Variants in ZNF43 observed in about 807,000 individuals in gnomAD.
ZNF43 encodes zinc finger protein 39-like 1 (KOX 27).
In ZNF43, 44 loss-of-function variants were observed where a neutral mutation model predicts 68.4. The ratio of observed to expected loss-of-function variants is 0.64; its 90% CI spans 0.51 to 0.83. The LOEUF (loss-of-function observed/expected upper bound fraction) is 0.83. Among genes scored for constraint, ZNF43 ranks in the 40% least tolerant of loss-of-function variants. ZNF43 has a pLI of 0.00. For missense variants in ZNF43, 896 were observed against 933.2 expected (o/e 0.96, Z 0.52); for synonymous variants, 308 against 307.8 (o/e 1.00, Z -0.01).
intron 1 of ZNF43, among the ~76,000 whole-genome samples, chr19:21,824,856 C>A (rs1239020846): frequency 6.6e-6 from 1 of 151,762 alleles, no homozygotes; most frequent in Non-Finnish European, 1.5e-5. Context: ...TTCAAGTTGT[C>A]TGGAATGTAA....
At chr19:21,833,312 G>C (rs1452922321) in intron 1 of ZNF43, among the ~76,000 whole-genome samples, 2 of 151,976 alleles carry the variant, frequency 1.3e-5, no homozygotes, top group Admixed American at 6.6e-5. Flanking sequence ...TTGTCGCCCA[G>C]GCTGAGTACA....
intron 1 of ZNF43, among the ~76,000 whole-genome samples, chr19:21,844,933 T>A (rs1391148030): frequency 1.5e-4 from 19 of 125,834 alleles, no homozygotes; most frequent in South Asian, 4.8e-4. Flanking sequence ...TATATATATA[T>A]ATATATATAT....
At chr19:21,836,191 C>A (rs1047985810), upstream of ZNF43, 12 of 1,519,292 alleles carry the variant, frequency 7.9e-6, no homozygotes, top group African/African-American at 1.4e-5. Context: ...ACAAAGGCCC[C>A]GCCACATCCC....
chr19:21,822,433 A>G (rs914789669), intron 1 of ZNF43, among the ~76,000 whole-genome samples: 1 of 143,488 alleles, frequency 7.0e-6, no homozygotes, highest in East Asian at 2.0e-4. Flanking sequence ...ACAGAACAAT[A>G]AGCAGGCCTG....
rs1325306496 is a variant in ZNF43 at position 21,805,916 on chromosome 19, T to C, written c.*1691A>G. ...AAGTTAGAAGCATAATAATGCTTCA[T>C]TGAATGTACAATGGTCTTAACACAT... is the stretch of plus-strand genomic sequence containing the variant. On this transcript the variant is annotated 3_prime_UTR_variant, in exon 4 of 4. Coordinates refer to ENST00000354959, the MANE Select transcript of ZNF43 (RefSeq NM_003423.4). 6.6e-6 allele frequency: 1 copy of C among 151,944 alleles called. No homozygotes were observed. The highest frequency in any genetic ancestry group is 6.5e-5 in the Admixed American group (1 of 15,274). The allele number at this position is 151,944 out of a possible 1,614,324, so 9.4% of individuals were successfully genotyped here.
At chr19:21,833,634 C>A (rs868049890) in intron 1 of ZNF43, among the ~76,000 whole-genome samples, 2 of 151,534 alleles carry the variant, frequency 1.3e-5, no homozygotes, top group Non-Finnish European at 2.9e-5. Context: ...GTACTGAAAC[C>A]CAGGATCAGA....
rs1048550680 is a variant in ZNF43 at position 21,806,535 on chromosome 19, T to A, written c.*1072A>T. 6.6e-6 allele frequency: 1 copy of A among 152,154 alleles called. No homozygotes were observed. The highest frequency in any genetic ancestry group is 1.5e-5 in the Non-Finnish European group (1 of 68,024). 9.4% of individuals were successfully genotyped at this position (152,154 alleles called of 1,614,324 possible). A position where few individuals can be genotyped will look rare whatever the true frequency, so the allele number is the denominator to read the frequency against. On this transcript the variant is annotated 3_prime_UTR_variant, in exon 4 of 4. Transcript: ENST00000354959. ...AAATAATGCCCACCTAATAAAAGAA[T>A]CTCTCATATCTTTGGTGCAGCAACA...
chr19:21,808,060 A>G lies in ZNF43; in HGVS notation c.1977T>C (p.Phe659=). The part of the protein sequence containing the change: ...PYKCEECGKA[F]KWSSTLTKHK... ...GTTTAGTAAGGGTTGAGGACCACTT[A>G]AAGGCTTTGCCACATTCTTCACATT... Residue 659 remains phenylalanine (F), a synonymous_variant, in exon 4 of 4, where the codon TTT becomes TTC. Coordinates refer to ENST00000354959, the MANE Select transcript of ZNF43 (RefSeq NM_003423.4). 1.2e-6 allele frequency: 2 copies of G among 1,612,940 alleles called. No individual in the cohort carries two copies. Among genetic ancestry groups the G allele is most frequent in the Non-Finnish European group, 1.7e-6 (2 of 1,179,890 alleles).
In ZNF43 at chr19:21,808,005, A is replaced by G. The variant is rs1342245485; in HGVS notation, c.2032T>C (p.Tyr678His). ...HKIIHTGEKP[Y>H]KCEECGKAFK... is the part of the protein sequence containing the mutation. ...GCTTTGCCACATTCTTCACATTTGT[A>G]GGGTTTCTCTCCAGTATGAATTATC... The change falls in exon 4 of 4, where the codon TAC becomes CAC. Residue 678 changes from tyrosine (Y) to histidine (H), a missense_variant. By Grantham distance (83) the Tyr-to-His change is moderately conservative (BLOSUM62 2). Transcript: ENST00000354959. 2 of 1,612,884 alleles carry G rather than the reference A, an allele frequency of 1.2e-6. No homozygotes were observed. Among genetic ancestry groups the G allele is most frequent in the Non-Finnish European group, 1.7e-6 (2 of 1,179,906 alleles).
At chr19:21,830,504 C>T (rs868549325) in intron 1 of ZNF43, among the ~76,000 whole-genome samples, 6 of 148,696 alleles carry the variant, frequency 4.0e-5, no homozygotes, top group Admixed American at 6.7e-5. Flanking sequence ...GTAAACAAAC[C>T]GGAAAATCTA....
Position 21,817,844 on chromosome 19 carries a change from A to G in ZNF43, c.229+44T>C, listed in dbSNP as rs759571078. On this transcript the variant is annotated intron_variant, in intron 3 of 3. Transcript: ENST00000354959. The stretch of plus-strand genomic sequence containing the variant: ...GACTGGCTTTCCCCTTAACCTTTGG[A>G]CTTCTCATCTGTGTTTGTTGTATTC... 5.7e-6 allele frequency: 9 copies of G among 1,566,218 alleles called. No individual in the cohort carries two copies. In the South Asian group the frequency reaches 1.0e-4, roughly 17 times the overall value.
chr19:21,848,784 C>G (rs1475641464), intron 1 of ZNF43, among the ~76,000 whole-genome samples: 1 of 152,162 alleles, frequency 6.6e-6, no homozygotes, highest in African/African-American at 2.4e-5. Context: ...TATGTTGGGT[C>G]TAAGTACGCT....
intron 1 of ZNF43, chr19:21,851,855 C>T (rs1001451689): frequency 1.9e-6 from 3 of 1,539,292 alleles, no homozygotes; most frequent in East Asian, 2.5e-5. Flanking sequence ...GGTCCCGCCA[C>T]TTTCACAGCC....
intron 1 of ZNF43, among the ~76,000 whole-genome samples, chr19:21,833,656 A>G (rs1338249367): frequency 6.6e-6 from 1 of 152,128 alleles, no homozygotes; most frequent in Non-Finnish European, 1.5e-5. Context: ...AAAAAAAACA[A>G]AAACAACAAA....
chr19:21,836,920 A>C (rs1392647413), upstream of ZNF43, among the ~76,000 whole-genome samples: 1 of 152,218 alleles, frequency 6.6e-6, no homozygotes, highest in Non-Finnish European at 1.5e-5. Flanking sequence ...AATTTTTTTA[A>C]AGCATTGAGG....
intron 1 of ZNF43, among the ~76,000 whole-genome samples, chr19:21,821,351 G>A (rs1244758006): frequency 6.6e-6 from 1 of 151,782 alleles, no homozygotes; most frequent in Non-Finnish European, 1.5e-5. Context: ...GGGTTTCACC[G>A]TGTTACCGCG....
intron 1 of ZNF43, among the ~76,000 whole-genome samples, chr19:21,829,571 T>C (rs2038323504): frequency 6.6e-6 from 1 of 152,112 alleles, no homozygotes; most frequent in Non-Finnish European, 1.5e-5. Context: ...ATAAAGACAA[T>C]CTTGAGTCAA....
At chr19:21,836,284 C>T, upstream of ZNF43, 1 of 1,292,122 alleles carries the variant, frequency 7.7e-7, no homozygotes, top group East Asian at 3.1e-5. Flanking sequence ...CTTCTAAGGT[C>T]CTGCCCCCGC....
At position 21,851,829 on chromosome 19, in the gene ZNF43, G is replaced by C. The variant is rs1274575200; in HGVS notation, c.30+76C>G. 35 of 1,466,706 alleles carry C rather than the reference G, an allele frequency of 2.4e-5. No individual in the cohort carries two copies. In the East Asian group the frequency reaches 4.1e-4, roughly 17 times the overall value. 90.9% of individuals were successfully genotyped at this position (1,466,706 alleles called of 1,614,324 possible). ...GCGCCAGCGACCAGGACTCAGGAGC[G>C]GACTGTGAGGAGGCCGGTCCCGCCA... On this transcript the variant is annotated intron_variant, in intron 1 of 3. Transcript: ENST00000357491.
Sources: gnomAD v4.1 joint callset for allele counts (sites outside exome capture counted in the v4.1 genomes callset) on GRCh38, gnomAD v4.1.1 for gene constraint, MANE v1.5 for transcripts, NCBI Gene and HGNC (gene_info 2026-07-23, HGNC 2026-07-21) for gene names.